The following FANCD2 variants were observed in gnomAD, a reference collection of about 807,000 sequenced individuals.
The protein encoded by FANCD2 is FA complementation group D2, also known as Fanconi anemia group D2 protein.
In FANCD2, 131 loss-of-function variants were observed where a neutral mutation model predicts 192.3. The ratio of observed to expected loss-of-function variants is 0.68; its 90% CI spans 0.59 to 0.79. The LOEUF (loss-of-function observed/expected upper bound fraction) is 0.79. Ranked by LOEUF, FANCD2 falls within the 30% of genes least tolerant of loss-of-function variation. The pLI, the probability that FANCD2 is intolerant of heterozygous loss-of-function variation, is 0.00. For missense variants in FANCD2, 1,508 were observed against 1,701.6 expected (o/e 0.89, Z 2.00); for synonymous variants, 524 against 612.5 (o/e 0.86, Z 2.13).
intron 15 of FANCD2, 130 bp downstream of exon 15, chr3:10,046,853 A>G: frequency 4.8e-6 from 3 of 623,772 alleles, no homozygotes; most frequent in Middle Eastern, 4.1e-4. Flanking sequence ...TGCATTAATC[A>G]TTTTAATTGT....
chr3:10,070,176 C>T (rs559114192), intron 26 of FANCD2, among the ~76,000 whole-genome samples: 5 of 150,188 alleles, frequency 3.3e-5, no homozygotes, highest in African/African-American at 4.9e-5. Flanking sequence ...TGAGGAGACC[C>T]TCCGCCCGGC....
At chr3:10,069,887 G>A (rs527520419) in intron 26 of FANCD2, among the ~76,000 whole-genome samples, 26 of 150,572 alleles carry the variant, frequency 1.7e-4, no homozygotes, top group East Asian at 7.9e-4. Flanking sequence ...CCGCCACCCC[G>A]TCTGGGAAGT....
At chr3:10,050,711 A>G (rs2087175764) in intron 17 of FANCD2, among the ~76,000 whole-genome samples, 1 of 151,882 alleles carries the variant, frequency 6.6e-6, no homozygotes, top group African/African-American at 2.4e-5. Context: ...AAATGTCCAT[A>G]GAAGGAAAAT....
chr3:10,096,620 T>C (rs1171373613), intron 42 of FANCD2, 148 bp downstream of exon 42: 4 of 792,228 alleles, frequency 5.0e-6, no homozygotes, highest in Non-Finnish European at 8.6e-6. Flanking sequence ...CTTAAAGTTA[T>C]GGTACATTAC....
chr3:10,066,933 C>T (rs867224515), intron 25 of FANCD2, among the ~76,000 whole-genome samples: 8 of 152,242 alleles, frequency 5.3e-5, no homozygotes, highest in Admixed American at 1.3e-4. Flanking sequence ...CCATGTTGGC[C>T]AGACTGGTCT....
chr3:10,034,324 CAAAAAAA>C (rs879221957), intron 3 of FANCD2, 138 bp from the exon 4 acceptor site: 3 of 418,238 alleles, frequency 7.2e-6, no homozygotes, highest in African/African-American at 4.3e-5. Flanking sequence ...AACTCCATCT[CAAAAAAA>C]AAAAAAAAAA....
rs57661428 is a variant in FANCD2 at position 10,046,055 on chromosome 3, C to CTTTTTTTTTTT, written c.1135-520_1135-510dup. ...ACTTTCATGCATATTGCTCTGTATT[C>CTTTTTTTTTTT]TTTTTTTTTTTTTTTGAGAATGGAA... On this transcript the variant is annotated intron_variant, in intron 14 of 43. Transcript: ENST00000675286. Among the ~76,000 whole-genome samples, 663 of 124,326 alleles carry CTTTTTTTTTTT rather than the reference C, an allele frequency of 5.3e-3. 57 individuals carry two copies. The highest frequency in any genetic ancestry group is 0.019 in the African/African-American group (565 of 30,270). The allele number at this position is 124,326 out of a possible 152,430, so 81.6% of individuals were successfully genotyped here.
intron 1 of FANCD2, among the ~76,000 whole-genome samples, chr3:10,028,019 C>CT (rs2086498225): frequency 1.3e-5 from 2 of 150,180 alleles, no homozygotes; most frequent in Admixed American, 1.3e-4. Flanking sequence ...TTGAGACCAG[C>CT]CTAGCCGACA....
At chr3:10,032,577 GATTACCAC>G (rs2086631265) in intron 2 of FANCD2, among the ~76,000 whole-genome samples, 5 of 152,146 alleles carry the variant, frequency 3.3e-5, no homozygotes, top group African/African-American at 1.2e-4. Flanking sequence ...AATTTGCTGG[GATTACCAC>G]ATGAGCCACC....
chr3:10,054,465 ATATATATATTTTTTTTTTTT>A (rs2087338657), intron 18 of FANCD2, among the ~76,000 whole-genome samples: 2 of 23,514 alleles, frequency 8.5e-5, no homozygotes, highest in African/African-American at 4.1e-4. Flanking sequence ...ATATATATAT[ATATATATATTTTTTTTTTTT>A]TTTTTTTTTT....
At chr3:10,031,477 G>C (rs1480306300) in intron 2 of FANCD2, among the ~76,000 whole-genome samples, 1 of 149,220 alleles carries the variant, frequency 6.7e-6, no homozygotes, top group African/African-American at 2.5e-5. Context: ...ACTCCAGCCT[G>C]GGCGACAGAG....
chr3:10,094,979 G>T, intron 40 of FANCD2: 1 of 567,062 alleles, frequency 1.8e-6, no homozygotes, highest in East Asian at 3.0e-5. Flanking sequence ...TAAAATGCAG[G>T]TCTTATAACT....
chr3:10,036,683 A>G (rs1042265964), intron 7 of FANCD2, among the ~76,000 whole-genome samples: 1 of 144,370 alleles, frequency 6.9e-6, no homozygotes, highest in Admixed American at 7.0e-5. Context: ...TCAAAACAGA[A>G]TTTTTTTTTT....
intron 18 of FANCD2, 73 bp from the exon 19 acceptor site, chr3:10,060,221 A>G: frequency 1.9e-6 from 2 of 1,031,766 alleles, no homozygotes; most frequent in East Asian, 2.4e-5. Context: ...GTCTAGCTAT[A>G]TGGCTCGATA....
chr3:10,094,967 A>G (rs780505740), intron 40 of FANCD2: 1 of 547,338 alleles, frequency 1.8e-6, no homozygotes, highest in Non-Finnish European at 3.3e-6. Context: ...CCTATGTAAA[A>G]CTAAAATGCA....
chr3:10,043,028 A>G (rs754575756), intron 11 of FANCD2, 22 bp from the exon 12 acceptor site: 1 of 1,600,240 alleles, frequency 6.2e-7, no homozygotes, highest in Admixed American at 1.7e-5. Flanking sequence ...AGAAAACCAT[A>G]GCTAATATTT....
At chr3:10,030,928 A>T (rs1475863254) in intron 2 of FANCD2, among the ~76,000 whole-genome samples, 2 of 151,968 alleles carry the variant, frequency 1.3e-5, no homozygotes, top group Non-Finnish European at 2.9e-5. Flanking sequence ...GTGAAGCTCC[A>T]ATGGTTGATT....
rs766567785 is a variant in FANCD2 at position 10,067,267 on chromosome 3, G to A, written c.2444G>A (p.Arg815Gln). Residue 815 changes from arginine (R) to glutamine (Q), a missense_variant, in exon 26 of 44, where the codon CGG becomes CAG. Arg to Gln is a conservative substitution (Grantham distance 43). Around this residue, in one of 5 missense-constraint regions of FANCD2, gnomAD observed 796 missense variants for 879.4 expected, o/e 0.91. Transcript: ENST00000675286. ...GAGATGAAGGGGAAGGTGCTCACTC[G>A]GTTAAAGCACATTGTAGAATTGCAA... ...SPEMKGKVLT[R>Q]LKHIVELQII... 5.9e-5 allele frequency: 96 copies of A among 1,613,648 alleles called. No homozygotes were observed. The highest frequency in any genetic ancestry group is 5.2e-4 in the Admixed American group (31 of 59,988).
chr3:10,036,215 A>G, intron 6 of FANCD2, 72 bp from the exon 7 acceptor site: 5 of 1,329,658 alleles, frequency 3.8e-6, no homozygotes, highest in Non-Finnish European at 5.4e-6. Context: ...CAGCCTCCCA[A>G]GTAGCTGGGA....
Sources: gnomAD v4.1 joint callset for allele counts (sites outside exome capture counted in the v4.1 genomes callset) on GRCh38, gnomAD v4.1.1 for gene constraint, gnomAD v4.1.1 regional missense constraint, MANE v1.5 for transcripts, NCBI Gene and HGNC (gene_info 2026-07-23, HGNC 2026-07-21) for gene names.